Variants in TCTN1 observed in about 807,000 individuals in gnomAD.
TCTN1 encodes the protein tectonic family member 1, also known as tectonic-1.
Under a neutral mutation model 65.8 loss-of-function variants are expected in TCTN1, and 58 were observed. That is an observed-to-expected ratio of 0.88 (90% CI 0.71 to 1.10). The LOEUF is 1.10. Ranked by LOEUF, TCTN1 falls within the 50% of genes least tolerant of loss-of-function variation. The probability of loss-of-function intolerance (pLI) is 0.00; values close to 1 mark genes in which losing one functional copy is unlikely to be tolerated. For synonymous variants in TCTN1, 273 were observed against 289.1 expected (o/e 0.94, Z 0.57); for missense variants, 645 against 719.4 (o/e 0.90, Z 1.18).
chr12:110,626,601 A>G, intron 3 of TCTN1, 109 bp downstream of exon 3: 1 of 1,233,766 alleles, frequency 8.1e-7, no homozygotes, highest in Non-Finnish European at 1.1e-6. Context: ...TTTTTTTGAG[A>G]CAGAGTCTTG....
chr12:110,633,874 C>T (rs773210263), intron 5 of TCTN1, among the ~76,000 whole-genome samples: 14 of 152,200 alleles, frequency 9.2e-5, no homozygotes, highest in Non-Finnish European at 1.9e-4. Flanking sequence ...TGCTCTTCAA[C>T]CCAGCTGTTC....
Position 110,628,853 on chromosome 12 carries a change from T to G in TCTN1, c.559T>G (p.Leu187Val). The G allele has an allele frequency of 6.2e-7, 1 of 1,613,724 alleles. No homozygotes were observed. The highest frequency in any genetic ancestry group is 1.3e-5 in the African/African-American group (1 of 75,042). ...GATGAAAACATCTGATGGTTTTACA[T>G]TGAATGCTGAATCATATGTTTCCTT... ...TLMKTSDGFT[L>V]NAESYVSFTT... The change falls in exon 4 of 15, where the codon TTG becomes GTG. Residue 187 changes from leucine to valine, a missense_variant. By Grantham distance (32) the Leu-to-Val change is conservative. Coordinates refer to ENST00000397659, the MANE Select transcript of TCTN1 (RefSeq NM_001082538.3).
chr12:110,636,208 T>TG (rs1565991377), intron 6 of TCTN1: 7 of 421,052 alleles, frequency 1.7e-5, no homozygotes, highest in Non-Finnish European at 3.1e-5. Context: ...TATACAATAA[T>TG]GACCCTGGAG....
chr12:110,627,710 C>A, intron 3 of TCTN1: 16 of 410,458 alleles, frequency 3.9e-5, no homozygotes, highest in Non-Finnish European at 3.4e-5. Context: ...TTCCTTTTTT[C>A]TTTTATTTTT....
At chr12:110,616,659 T>C (rs1195374317) in intron 1 of TCTN1, 1 of 154,656 alleles carries the variant, frequency 6.5e-6, no homozygotes, top group African/African-American at 2.4e-5. Context: ...TCACCTATGA[T>C]GTATCTCATT....
Position 110,628,923 on chromosome 12 carries a change from G to A in TCTN1, c.624+5G>A. The A allele has an allele frequency of 3.1e-6, 5 of 1,613,212 alleles. No individual in the cohort carries two copies. Among genetic ancestry groups the A allele is most frequent in the Non-Finnish European group, 4.2e-6 (5 of 1,179,848 alleles). ...CCTACTGCTGCTAAATATGAGGTGA[G>A]CCTGAACTTGATTGATTCTTTTCAT... On this transcript the variant is annotated splice_donor_5th_base_variant and intron_variant, in intron 4 of 14. Coordinates refer to ENST00000397659, the MANE Select transcript of TCTN1 (RefSeq NM_001082538.3).
intron 12 of TCTN1, 161 bp from the exon 13 acceptor site, chr12:110,647,035 A>C: frequency 2.5e-6 from 2 of 810,728 alleles, no homozygotes; most frequent in Non-Finnish European, 3.9e-6. Flanking sequence ...GAGTTACTTT[A>C]AAACACGTAT....
At chr12:110,621,356 ATT>A (rs1301956604) in intron 2 of TCTN1, among the ~76,000 whole-genome samples, 1 of 152,130 alleles carries the variant, frequency 6.6e-6, no homozygotes, top group East Asian at 1.9e-4. Flanking sequence ...ATGTAGTCAG[ATT>A]AATTTTCTGG....
intron 1 of TCTN1, among the ~76,000 whole-genome samples, chr12:110,618,743 A>G (rs1010732117): frequency 1.3e-5 from 2 of 152,212 alleles, no homozygotes; most frequent in Admixed American, 6.5e-5. Context: ...TTCCAGCAAT[A>G]ATTGCAACTA....
chr12:110,634,828 C>A (rs1408786284), intron 6 of TCTN1, 49 bp downstream of exon 6: 1 of 1,383,622 alleles, frequency 7.2e-7, no homozygotes, highest in East Asian at 2.4e-5. Flanking sequence ...TGTTTCTGTT[C>A]TTTCTGCGCT....
At chr12:110,617,469 G>A (rs916526646) in intron 1 of TCTN1, among the ~76,000 whole-genome samples, 1 of 151,210 alleles carries the variant, frequency 6.6e-6, no homozygotes, top group Non-Finnish European at 1.5e-5. Context: ...GATTACAGCC[G>A]CGCGCCACCA....
Position 110,626,366 on chromosome 12 carries a change from G to A in TCTN1, c.346G>A (p.Asp116Asn), listed in dbSNP as rs983420048. 7 of 1,579,234 alleles carry A rather than the reference G, an allele frequency of 4.4e-6. No homozygotes were observed. Among genetic ancestry groups the A allele is most frequent in the East Asian group, 2.3e-5 (1 of 43,870 alleles). The part of the protein sequence containing the change: ...SACSVPVVTG[D>N]SQFCSQKAVI... ...TATTATTTTTTTAATTTTCAGGGGC[G>A]ACAGCCAGTTTTGTAGTCAAAAAGC... is the stretch of plus-strand genomic sequence containing the variant. Residue 116 changes from aspartate (D) to asparagine (N), a missense_variant, in exon 3 of 15, where the codon GAC (aspartate) becomes AAC (asparagine). Asp to Asn is a conservative substitution (Grantham distance 23, BLOSUM62 1). Transcript: ENST00000397659.
At position 110,647,293 on chromosome 12, in the gene TCTN1, T is replaced by C. The variant is rs773106113; in HGVS notation, c.1592T>C (p.Ile531Thr). ...YGSLLNPQAK[I>T]VNVTANLISS... The stretch of plus-strand genomic sequence containing the variant: ...TCCCTGCTGAATCCACAGGCCAAAA[T>C]AGTCAATGTAACTGCAAATCTAATT... Residue 531 changes from isoleucine (I) to threonine (T), a missense_variant, in exon 13 of 15, where the codon ATA (isoleucine) becomes ACA (threonine). Coordinates refer to ENST00000397659, the MANE Select transcript of TCTN1 (RefSeq NM_001082538.3). The C allele has an allele frequency of 1.2e-6, 2 of 1,614,176 alleles. No homozygotes were observed. The highest frequency in any genetic ancestry group is 1.1e-5 in the South Asian group (1 of 91,090).
At chr12:110,622,003 TGGTG>T (rs1301552359) in intron 2 of TCTN1, among the ~76,000 whole-genome samples, 1 of 151,724 alleles carries the variant, frequency 6.6e-6, no homozygotes, top group Non-Finnish European at 1.5e-5. Context: ...CTGGGCGTGG[TGGTG>T]GGTGCCTGTA....
chr12:110,639,876 C>G lies in TCTN1; in HGVS notation c.844-507C>G, dbSNP rs1389984558. 6.6e-6 allele frequency among the ~76,000 whole-genome samples: 1 copy of G among 152,202 alleles called. No individual in the cohort carries two copies. The highest frequency in any genetic ancestry group is 1.5e-5 in the Non-Finnish European group (1 of 68,028). On this transcript the variant is annotated intron_variant, in intron 7 of 14. Coordinates refer to ENST00000397659, the MANE Select transcript of TCTN1 (RefSeq NM_001082538.3). This position sits in a 1 kb window ranked among gnomAD's most constrained non-coding sequence, Gnocchi z 4.9. ...GCAACCACCGATCTACTTTTCGTCT[C>G]TATGGGTTTGCCTATTTGGACATTC...
At chr12:110,628,694 A>G (rs1316592357) in intron 3 of TCTN1, 73 bp from the exon 4 acceptor site, 1 of 1,356,392 alleles carries the variant, frequency 7.4e-7, no homozygotes, top group Non-Finnish European at 1.0e-6. Context: ...ACTTTCCAAA[A>G]CCTTTATATA....
At position 110,640,509 on chromosome 12, in the gene TCTN1, G is replaced by T. The variant is rs1327028146; in HGVS notation, c.970G>T (p.Val324Phe). 8 of 1,614,088 alleles carry T rather than the reference G, an allele frequency of 5.0e-6. No individual in the cohort carries two copies. The highest frequency in any genetic ancestry group is 6.8e-6 in the Non-Finnish European group (8 of 1,180,048). The change falls in exon 8 of 15, where the codon GTT (valine) becomes TTT (phenylalanine). Residue 324 changes from valine to phenylalanine, a missense_variant. By Grantham distance (50) the Val-to-Phe change is conservative. Coordinates refer to ENST00000397659, the MANE Select transcript of TCTN1 (RefSeq NM_001082538.3). This position sits in a 1 kb window ranked among gnomAD's most constrained non-coding sequence, Gnocchi z 4.9. ...ACACTTTAGCCTTTGCGTGAATGTT[G>T]TTCTTGAGGTAGGTGCCGAGTTTGG... ...AGHFSLCVNV[V>F]LEVKYSLTYT...
chr12:110,646,939 G>A (rs2067352737), intron 12 of TCTN1: 4 of 473,588 alleles, frequency 8.4e-6, no homozygotes, highest in South Asian at 6.3e-5. Flanking sequence ...TGGCACTACC[G>A]CAGTTTCAGG....
At position 110,649,124 on chromosome 12, in the gene TCTN1, C is replaced by G. The variant is rs1307652364; in HGVS notation, c.*83C>G. 4.5e-6 allele frequency: 3 copies of G among 661,576 alleles called. No homozygotes were observed. The South Asian group carries it at 4.6e-5, about 10-fold the overall frequency. 41.0% of individuals were successfully genotyped at this position (661,576 alleles called of 1,614,324 possible). A position where few individuals can be genotyped will look rare whatever the true frequency, so the allele number is the denominator to read the frequency against. On this transcript the variant is annotated 3_prime_UTR_variant, in exon 15 of 15. Transcript: ENST00000397659. The stretch of plus-strand genomic sequence containing the variant: ...CGGTGAGATTAAATTTTATATACAA[C>G]TAGCAATTGTCCAGCTTTGTTGCTC...
Sources: gnomAD v4.1 joint callset for allele counts (sites outside exome capture counted in the v4.1 genomes callset) on GRCh38, gnomAD v4.1.1 for gene constraint, Gnocchi (gnomAD v3.1) non-coding constraint, MANE v1.5 for transcripts, NCBI Gene and HGNC (gene_info 2026-07-23, HGNC 2026-07-21) for gene names.